ESRRG: variants seen among roughly 807,000 people sequenced by gnomAD.
ESRRG encodes the protein estrogen related receptor gamma.
Under a neutral mutation model 44.0 loss-of-function variants are expected in ESRRG, and 13 were observed. The ratio of observed to expected loss-of-function variants is 0.30; its 90% CI spans 0.19 to 0.47. ESRRG has a LOEUF of 0.47. ESRRG is among the 20% of genes least tolerant of loss of function. The pLI is 1.00. For synonymous variants in ESRRG, 215 were observed against 214.6 expected (o/e 1.00, Z -0.02); for missense variants, 395 against 580.6 (o/e 0.68, Z 3.29).
At chr1:216,928,515 G>A (rs949868719) in intron 2 of ESRRG, among the ~76,000 whole-genome samples, 1 of 152,124 alleles carries the variant, frequency 6.6e-6, no homozygotes, top group African/African-American at 2.4e-5. Flanking sequence ...TCTTCTTCCT[G>A]TCACAGCCTC....
intron 2 of ESRRG, among the ~76,000 whole-genome samples, chr1:216,824,910 T>C (rs1158957171): frequency 6.6e-6 from 1 of 152,208 alleles, no homozygotes; most frequent in East Asian, 1.9e-4. Flanking sequence ...TGAAGAACAA[T>C]GTTTTAAAAA....
At chr1:216,833,574 G>A (rs1355893788) in intron 2 of ESRRG, among the ~76,000 whole-genome samples, 1 of 152,156 alleles carries the variant, frequency 6.6e-6, no homozygotes, top group Non-Finnish European at 1.5e-5. Context: ...TAGCCAATTA[G>A]TACCATCATT....
chr1:216,930,258 G>T (rs774208764), intron 2 of ESRRG, among the ~76,000 whole-genome samples: 14 of 151,798 alleles, frequency 9.2e-5, no homozygotes, highest in Middle Eastern at 6.8e-3. Flanking sequence ...TTGCTTTTTG[G>T]TTCTCAAGTG....
intron 1 of ESRRG, among the ~76,000 whole-genome samples, chr1:217,026,497 G>A (rs1579694931): frequency 6.6e-6 from 1 of 152,296 alleles, no homozygotes; most frequent in East Asian, 1.9e-4. Context: ...TTCGAGGCAG[G>A]TGAGGGCTCC....
intron 2 of ESRRG, among the ~76,000 whole-genome samples, chr1:216,780,710 G>T (rs977157770): frequency 2.0e-5 from 3 of 151,966 alleles, no homozygotes; most frequent in Non-Finnish European, 4.4e-5. Flanking sequence ...TCCTACAGAT[G>T]AGAAAACAGA....
rs984653668 is a variant in ESRRG at position 216,600,657 on chromosome 1, A to G, written c.590-32559T>C. Among the ~76,000 whole-genome samples, 6 of 152,182 alleles carry G rather than the reference A, an allele frequency of 3.9e-5. No homozygotes were observed. The East Asian group carries it at 1.2e-3, about 29-fold the overall frequency. Reference sequence around the variant, plus strand: ...AGTACCCATTAGTTATTTTAAAAATAAAGTCTTAAAAAAAAATCCCAAATA... The same window carrying G: ...AGTACCCATTAGTTATTTTAAAAATGAAGTCTTAAAAAAAAATCCCAAATA... On this transcript the variant is annotated intron_variant, in intron 3 of 6. Transcript: ENST00000408911.
At chr1:216,569,582 A>G (rs955227549) in intron 3 of ESRRG, among the ~76,000 whole-genome samples, 1 of 152,214 alleles carries the variant, frequency 6.6e-6, no homozygotes, top group Non-Finnish European at 1.5e-5. Context: ...TTTCCAGACT[A>G]TAATTGTAAA....
At chr1:216,816,116 C>T (rs549587190) in intron 2 of ESRRG, among the ~76,000 whole-genome samples, 13 of 152,278 alleles carry the variant, frequency 8.5e-5, no homozygotes, top group East Asian at 1.9e-4. Context: ...TCTTTCACTA[C>T]CAGCATTCAT....
chr1:216,988,101 C>T (rs2075147332), intron 1 of ESRRG, among the ~76,000 whole-genome samples: 1 of 152,050 alleles, frequency 6.6e-6, no homozygotes, highest in South Asian at 2.1e-4. Flanking sequence ...GAGTCTGTTC[C>T]TGCAGAAACT....
At chr1:216,882,466 T>C (rs1253204337) in intron 2 of ESRRG, among the ~76,000 whole-genome samples, 2 of 152,198 alleles carry the variant, frequency 1.3e-5, no homozygotes, top group Admixed American at 1.3e-4. Flanking sequence ...TCCTAGCACC[T>C]AGAATATACT....
intron 2 of ESRRG, among the ~76,000 whole-genome samples, chr1:216,909,909 A>G (rs181067550): frequency 6.6e-6 from 1 of 152,296 alleles, no homozygotes; most frequent in Admixed American, 6.5e-5. Flanking sequence ...ATGAACAAAA[A>G]CAAAAGAACC....
intron 5 of ESRRG, among the ~76,000 whole-genome samples, chr1:216,521,726 G>C (rs1206368066): frequency 2.0e-5 from 3 of 152,116 alleles, no homozygotes. Context: ...GTGGAAGGAG[G>C]AACTTTTTTA....
At chr1:216,590,605 T>C (rs1009305512) in intron 3 of ESRRG, among the ~76,000 whole-genome samples, 21 of 152,214 alleles carry the variant, frequency 1.4e-4, no homozygotes, top group Non-Finnish European at 1.2e-4. Context: ...ATGCTTTCTG[T>C]GCTAAAGATC....
chr1:217,123,755 G>A (rs1398866559), intron 1 of ESRRG, among the ~76,000 whole-genome samples: 2 of 151,960 alleles, frequency 1.3e-5, no homozygotes, highest in Non-Finnish European at 2.9e-5. Flanking sequence ...GCCTGTTAGG[G>A]GAGAGTAGGG....
chr1:216,873,010 G>A (rs1251244663), intron 2 of ESRRG, among the ~76,000 whole-genome samples: 1 of 152,190 alleles, frequency 6.6e-6, no homozygotes, highest in East Asian at 1.9e-4. Flanking sequence ...CCTTCTCATG[G>A]CTATGGTTTC....
intron 3 of ESRRG, among the ~76,000 whole-genome samples, chr1:216,606,144 AACC>A (rs1354315417): frequency 1.3e-5 from 2 of 152,126 alleles, no homozygotes; most frequent in East Asian, 3.9e-4. Flanking sequence ...CCCCAACCCC[AACC>A]ACCACACACT....
In ESRRG at chr1:216,677,445, A is replaced by T; in HGVS notation, c.103T>A (p.Cys35Ser). Residue 35 changes from cysteine to serine, a missense_variant, in exon 2 of 7, where the codon TGT becomes AGT. Coordinates refer to ENST00000408911, the MANE Select transcript of ESRRG (RefSeq NM_001438.4). ...SNKDRHIDSS[C>S]SSFIKTEPSS... ...GGTTCCGTCTTGATGAAGGACGAAC[A>T]GCTGGAATCAATGTGTCGATCTTTG... 1 of 1,613,870 alleles carries T rather than the reference A, an allele frequency of 6.2e-7. No homozygotes were observed. Among genetic ancestry groups the T allele is most frequent in the Non-Finnish European group, 8.5e-7 (1 of 1,179,816 alleles).
intron 2 of ESRRG, among the ~76,000 whole-genome samples, chr1:216,912,607 A>G (rs1012976672): frequency 2.0e-5 from 3 of 152,150 alleles, no homozygotes; most frequent in African/African-American, 7.2e-5. Flanking sequence ...ATAATATGTA[A>G]TTACATCCTA....
intron 1 of ESRRG, among the ~76,000 whole-genome samples, chr1:216,948,109 A>G (rs1291942400): frequency 6.6e-6 from 1 of 152,138 alleles, no homozygotes; most frequent in Admixed American, 6.5e-5. Context: ...AACTTTTATT[A>G]TGTTTGAACA....
Sources: gnomAD v4.1 joint callset for allele counts (sites outside exome capture counted in the v4.1 genomes callset) on GRCh38, gnomAD v4.1.1 for gene constraint, MANE v1.5 for transcripts, NCBI Gene and HGNC (gene_info 2026-07-23, HGNC 2026-07-21) for gene names.